The following SIN3B variants were observed in gnomAD, a reference collection of about 807,000 sequenced individuals.
SIN3B encodes the protein SIN3 transcription regulator family member B.
SIN3B carries 19 observed loss-of-function variants against 120.2 expected under a neutral mutation model. The ratio of observed to expected loss-of-function variants is 0.16; its 90% confidence interval spans 0.11 to 0.23. SIN3B has a LOEUF of 0.23. SIN3B is among the 10% of genes least tolerant of loss of function. The pLI, the probability that SIN3B is intolerant of heterozygous loss-of-function variation, is 1.00. For synonymous variants in SIN3B, 654 were observed against 653.2 expected (o/e 1.00, Z -0.02); for missense variants, 1,073 against 1,573.0 (o/e 0.68, Z 5.38).
At chr19:16,874,240 T>G (rs1446702982) in intron 14 of SIN3B, among the ~76,000 whole-genome samples, 1 of 152,286 alleles carries the variant, frequency 6.6e-6, no homozygotes. Context: ...GTGTCTTTTC[T>G]GTGTGTTTCT....
At chr19:16,869,296 C>T (rs1220037439) in intron 12 of SIN3B, among the ~76,000 whole-genome samples, 164 bp from the exon 13 acceptor site, 1 of 152,196 alleles carries the variant, frequency 6.6e-6, no homozygotes, top group Non-Finnish European at 1.5e-5. Flanking sequence ...GGCAAGCGAC[C>T]TACCCCCCAG....
chr19:16,852,511 T>G (rs1168528081), intron 6 of SIN3B, among the ~76,000 whole-genome samples: 1 of 152,184 alleles, frequency 6.6e-6, no homozygotes, highest in Non-Finnish European at 1.5e-5. Context: ...CCTCCCAAAG[T>G]GTTGGGATTA....
At chr19:16,875,900 C>G in intron 14 of SIN3B, 155 bp from the exon 15 acceptor site, 1 of 906,146 alleles carries the variant, frequency 1.1e-6, no homozygotes, top group Non-Finnish European at 1.6e-6. Flanking sequence ...TTGGTCTGGT[C>G]TGCCCACAGC....
chr19:16,860,218 C>T (rs189280670), intron 8 of SIN3B, among the ~76,000 whole-genome samples: 2 of 152,330 alleles, frequency 1.3e-5, no homozygotes, highest in Non-Finnish European at 2.9e-5. Flanking sequence ...CACCATGTGG[C>T]GTTCCTCCGC....
In SIN3B at chr19:16,846,985, A is replaced by T. The variant is rs777353760; in HGVS notation, c.598A>T (p.Thr200Ser). The change falls in exon 5 of 19, where the codon ACG becomes TCG. Residue 200 changes from threonine to serine, a missense_variant. Thr to Ser is a moderately conservative substitution (Grantham distance 58). Coordinates refer to ENST00000248054, the MANE Select transcript of SIN3B (RefSeq NM_001297595.2). The stretch of plus-strand genomic sequence containing the variant: ...AAACTGGCAGAAGGAGCAGCTGAAC[A>T]CGAGGGGCCGGCCATTCCGAGGCAT... The part of the protein sequence containing the change: ...LHTYQKEQLN[T>S]RGRPFRGMSE... 2 of 1,614,036 alleles carry T rather than the reference A, an allele frequency of 1.2e-6. No individual in the cohort carries two copies. Among genetic ancestry groups the T allele is most frequent in the South Asian group, 2.2e-5 (2 of 91,068 alleles).
In SIN3B at chr19:16,863,738, G is replaced by T; in HGVS notation, c.1325G>T (p.Ser442Ile). Residue 442 changes from serine to isoleucine, a missense_variant, in exon 10 of 19, where the codon AGC becomes ATC. This residue lies in a region of SIN3B where 118 missense variants were observed against 281.6 expected (regional missense o/e 0.42). Coordinates refer to ENST00000248054, the MANE Select transcript of SIN3B (RefSeq NM_001297595.2). Reference sequence around the variant, plus strand: ...TGGTCTGAGGACTCCACGTTCGTCAGCTCCAAGAAGACACCGTACGAGGAG... The same window carrying T: ...TGGTCTGAGGACTCCACGTTCGTCATCTCCAAGAAGACACCGTACGAGGAG... Reference protein sequence around the residue: ...PSWSEDSTFVSSKKTPYEEQL... With the variant: ...PSWSEDSTFVISKKTPYEEQL... The T allele has an allele frequency of 6.2e-7, 1 of 1,614,196 alleles. No homozygotes were observed. Among genetic ancestry groups the T allele is most frequent in the Non-Finnish European group, 8.5e-7 (1 of 1,180,026 alleles).
Position 16,878,845 on chromosome 19 carries a change from C to A in SIN3B, c.*118C>A. The A allele has an allele frequency of 5.4e-6, 5 of 922,202 alleles. No individual in the cohort carries two copies. The highest frequency in any genetic ancestry group is 8.1e-6 in the Non-Finnish European group (5 of 617,816). The allele number at this position is 922,202 out of a possible 1,614,324, so 57.1% of individuals were successfully genotyped here. A position where few individuals can be genotyped will look rare whatever the true frequency, so the allele number is the denominator to read the frequency against. On this transcript the variant is annotated 3_prime_UTR_variant, in exon 19 of 19. Transcript: ENST00000248054. Reference sequence around the variant, plus strand: ...GAGGCATCTCCCAGCCCCTCTGCTGCCGGACAGCGCACTCCAGGGCAGGAC... The same window carrying A: ...GAGGCATCTCCCAGCCCCTCTGCTGACGGACAGCGCACTCCAGGGCAGGAC...
rs546904022 is a variant in SIN3B at position 16,836,520 on chromosome 19, G to A, written c.381+4873G>A. 1.2e-4 allele frequency among the ~76,000 whole-genome samples: 18 copies of A among 152,282 alleles called. No homozygotes were observed. In the South Asian group the frequency reaches 3.3e-3, roughly 28 times the overall value. On this transcript the variant is annotated intron_variant, in intron 3 of 18. Transcript: ENST00000248054. ...TGGGTTATGTATTTCAAAACGGCTAGGAAAAGAAGTTCAGAATGCATTGTT... is the reference window on the plus strand; with the variant it reads ...TGGGTTATGTATTTCAAAACGGCTAAGAAAAGAAGTTCAGAATGCATTGTT...
At chr19:16,831,811 G>A (rs569703927) in intron 3 of SIN3B, among the ~76,000 whole-genome samples, 164 bp downstream of exon 3, 1 of 152,148 alleles carries the variant, frequency 6.6e-6, no homozygotes, top group Non-Finnish European at 1.5e-5. Context: ...AATAGATATG[G>A]AAACACCTAC....
chr19:16,875,981 G>A (rs112774259), intron 14 of SIN3B, 74 bp from the exon 15 acceptor site: 194 of 1,478,230 alleles, frequency 1.3e-4, no homozygotes, highest in Non-Finnish European at 1.5e-4. Flanking sequence ...GGCCTTTGTC[G>A]ACTTCCTCTG....
chr19:16,858,010 G>C (rs1450003716), intron 8 of SIN3B, among the ~76,000 whole-genome samples: 1 of 152,104 alleles, frequency 6.6e-6, no homozygotes, highest in Non-Finnish European at 1.5e-5. Flanking sequence ...TCGAGTAGCT[G>C]GGACTACAGG....
Position 16,829,844 on chromosome 19 carries a change from C to T in SIN3B, c.174C>T (p.Asp58=), listed in dbSNP as rs776713378. 1 of 1,613,716 alleles carries T rather than the reference C, an allele frequency of 6.2e-7. No homozygotes were observed. Among genetic ancestry groups the T allele is most frequent in the Non-Finnish European group, 8.5e-7 (1 of 1,179,792 alleles). Reference sequence around the variant, plus strand: ...AGGTGAAGATCCGCTTTGGCAGCGACCCTGCCACCTACAACGGCTTCCTGG... The same window carrying T: ...AGGTGAAGATCCGCTTTGGCAGCGATCCTGCCACCTACAACGGCTTCCTGG... ...LDQVKIRFGS[D]PATYNGFLEI... is the part of the protein sequence containing the mutation. The change falls in exon 2 of 19, where the codon GAC becomes GAT. Residue 58 remains aspartate (D), a synonymous_variant. Coordinates refer to ENST00000248054, the MANE Select transcript of SIN3B (RefSeq NM_001297595.2).
rs2051606842 is a variant in SIN3B, at chr19:16,876,363, C to T, written c.2767-123C>T. 7.2e-7 allele frequency: 1 copy of T among 1,383,526 alleles called. No homozygotes were observed. The highest frequency in any genetic ancestry group is 9.9e-7 in the Non-Finnish European group (1 of 1,009,812). The allele number at this position is 1,383,526 out of a possible 1,614,324, so 85.7% of individuals were successfully genotyped here. ...TGCAGAGCCCATGAGGTACCTTTGA[C>T]CTGCAGGAAGCATCAGGGCTTTGGG... On this transcript the variant is annotated intron_variant, in intron 15 of 18. Transcript: ENST00000248054. This position sits in a 1 kb window ranked among gnomAD's most constrained non-coding sequence, Gnocchi z 7.1.
rs550056938 is a variant in SIN3B at position 16,876,161 on chromosome 19, G to C, written c.2699G>C (p.Arg900Pro). The change falls in exon 15 of 19, where the codon CGC (arginine) becomes CCC (proline). Residue 900 changes from arginine (R) to proline (P), a missense_variant. Transcript: ENST00000248054. This position sits in a 1 kb window ranked among gnomAD's most constrained non-coding sequence, Gnocchi z 7.1. Reference protein sequence around the residue: ...AGGNLSSRCVRAARETSYQWK... With the variant: ...AGGNLSSRCVPAARETSYQWK... ...GGGAACCTGTCCTCCCGCTGCGTCC[G>C]CGCTGCTAGGGAGACCAGCTACCAG... The C allele has an allele frequency of 1.2e-6, 2 of 1,612,976 alleles. No homozygotes were observed. The highest frequency in any genetic ancestry group is 1.7e-5 in the Admixed American group (1 of 59,942).
In SIN3B at chr19:16,869,462, C is replaced by T. The variant is rs962626819; in HGVS notation, c.1809C>T (p.His603=). ...AATGGCCGCCCTTCCCCCCACAGCA[C>T]CAGGAGCAGCACTCGGAGGGCCGCA... is the stretch of plus-strand genomic sequence containing the variant. The part of the protein sequence containing the change: ...LNEIESVYDE[H]QEQHSEGRSA... Residue 603 remains histidine (H), a splice_region_variant and synonymous_variant, in exon 13 of 19, where the codon CAC becomes CAT. Coordinates refer to ENST00000248054, the MANE Select transcript of SIN3B (RefSeq NM_001297595.2). 4 of 1,603,854 alleles carry T rather than the reference C, an allele frequency of 2.5e-6. No homozygotes were observed. Among genetic ancestry groups the T allele is most frequent in the Non-Finnish European group, 3.4e-6 (4 of 1,172,690 alleles).
chr19:16,832,495 GCCT>G (rs1971291951), intron 3 of SIN3B, among the ~76,000 whole-genome samples: 1 of 147,206 alleles, frequency 6.8e-6, no homozygotes, highest in Non-Finnish European at 1.5e-5. Context: ...ACCGTGCCCA[GCCT>G]CCTTTTTTTT....
At chr19:16,854,987 T>A (rs1404389363) in intron 8 of SIN3B, 1 of 152,228 alleles carries the variant, frequency 6.6e-6, no homozygotes, top group African/African-American at 2.4e-5. Flanking sequence ...TATGTGTCAA[T>A]TAGCTTGTGG....
rs2144609669 is a variant in SIN3B at position 16,862,683 on chromosome 19, A to G, written c.1266+124A>G. 1.7e-6 allele frequency: 2 copies of G among 1,157,430 alleles called. No homozygotes were observed. Among genetic ancestry groups the G allele is most frequent in the Admixed American group, 1.8e-5 (1 of 57,074 alleles). The allele number at this position is 1,157,430 out of a possible 1,614,324, so 71.7% of individuals were successfully genotyped here. ...GCTCAGCCCTCCTGAATGTTGGGTTATGGGTGGTGCTGGGATGTGGCCCGG... is the reference window on the plus strand; with the variant it reads ...GCTCAGCCCTCCTGAATGTTGGGTTGTGGGTGGTGCTGGGATGTGGCCCGG... On this transcript the variant is annotated intron_variant, in intron 9 of 18. Transcript: ENST00000248054. This position sits in a 1 kb window ranked among gnomAD's most constrained non-coding sequence, Gnocchi z 4.7.
chr19:16,871,617 T>C, intron 14 of SIN3B: 1 of 517,022 alleles, frequency 1.9e-6, no homozygotes, highest in Non-Finnish European at 3.4e-6. Context: ...ACCACCTCTG[T>C]CTAGTTCCAG....
Sources: allele counts gnomAD v4.1 joint callset (sites outside exome capture counted in the v4.1 genomes callset), GRCh38; gene constraint gnomAD v4.1.1; regional missense constraint gnomAD v4.1.1; non-coding constraint Gnocchi (gnomAD v3.1); transcripts MANE v1.5; gene names NCBI Gene and HGNC (gene_info 2026-07-23, HGNC 2026-07-21).